Variants in GATAD1 observed in about 807,000 individuals in gnomAD.
GATAD1 encodes the protein GATA zinc finger domain containing 1.
A neutral mutation model predicts 26.5 loss-of-function variants in GATAD1; 12 were observed. The observed-to-expected ratio is 0.45, with a 90% CI of 0.29 to 0.73. The LOEUF (loss-of-function observed/expected upper bound fraction) is 0.73. GATAD1 is among the 30% of genes least tolerant of loss of function. GATAD1 has a pLI of 0.10. For missense variants in GATAD1, 266 were observed against 342.1 expected (o/e 0.78, Z 1.75); for synonymous variants, 129 against 133.1 (o/e 0.97, Z 0.21).
chr7:92,454,874 T>C (rs1448852537), intron 4 of GATAD1, among the ~76,000 whole-genome samples, 189 bp downstream of exon 4: 4 of 152,146 alleles, frequency 2.6e-5, no homozygotes, highest in Admixed American at 6.6e-5. Flanking sequence ...GCAACACGGA[T>C]TTCTGGGGAG....
chr7:92,468,240 G>A, the GATAD1 span: 9 of 160,154 alleles, frequency 5.6e-5, no homozygotes, highest in East Asian at 1.8e-4. Context: ...TGGGTGCCTC[G>A]CTGGATCAGG....
the GATAD1 span, chr7:92,470,399 GTTACTTTCC>G: frequency 1.5e-6 from 1 of 679,640 alleles, no homozygotes; most frequent in South Asian, 1.7e-5. Context: ...TATGATTTTA[GTTACTTTCC>G]TCCTGGTTGT....
chr7:92,468,080 T>C, the GATAD1 span, among the ~76,000 whole-genome samples: 5 of 152,180 alleles, frequency 3.3e-5, no homozygotes, highest in African/African-American at 9.7e-5. Context: ...CCTTGGGCCA[T>C]GCGGTGAGTG....
At chr7:92,475,290 C>T in the GATAD1 span, 2 of 151,874 alleles carry the variant, frequency 1.3e-5, no homozygotes, top group African/African-American at 4.8e-5. Context: ...TTTTGTCTTG[C>T]GGGGAACGTT....
At chr7:92,468,757 C>T in the GATAD1 span, 12,884 of 710,740 alleles carry the variant, frequency 0.018, 157 homozygotes, top group Non-Finnish European at 0.024. Context: ...GGTTGGCCGA[C>T]GACCGCTCTA....
the GATAD1 span, chr7:92,493,900 G>C: frequency 7.9e-6 from 2 of 252,102 alleles, no homozygotes; most frequent in African/African-American, 4.5e-5. Context: ...GGACAAGGAA[G>C]AGTTGAAAAA....
At chr7:92,474,681 T>C in the GATAD1 span, 5 of 152,250 alleles carry the variant, frequency 3.3e-5, no homozygotes, top group Non-Finnish European at 2.9e-5. Flanking sequence ...TTCTCTCATT[T>C]GGGGTTAGTG....
At chr7:92,460,514 T>C (rs1789880724), downstream of GATAD1, among the ~76,000 whole-genome samples, 1 of 152,134 alleles carries the variant, frequency 6.6e-6, no homozygotes, top group African/African-American at 2.4e-5. Flanking sequence ...AAGCACCTCT[T>C]AATGGTGACC....
the GATAD1 span, among the ~76,000 whole-genome samples, chr7:92,473,540 G>C: frequency 3.9e-5 from 6 of 152,158 alleles, no homozygotes; most frequent in South Asian, 1.2e-3. Flanking sequence ...GACAACAAAC[G>C]GGTGTTCCTT....
chr7:92,477,870 A>G, the GATAD1 span: 2 of 155,392 alleles, frequency 1.3e-5, no homozygotes, highest in South Asian at 3.6e-4. Flanking sequence ...AGAAGAGTGC[A>G]GTTGCAAGAT....
the GATAD1 span, chr7:92,471,838 G>A: frequency 2.0e-5 from 3 of 152,174 alleles, no homozygotes; most frequent in African/African-American, 4.8e-5. Context: ...ATTGCTGCAT[G>A]GGCATGGAGG....
At chr7:92,450,823 G>A (rs142445224) in intron 3 of GATAD1, 63 bp downstream of exon 3, 4 of 975,166 alleles carry the variant, frequency 4.1e-6, no homozygotes, top group Non-Finnish European at 6.7e-6. Flanking sequence ...CCACTAAAAT[G>A]TTGGATTAGT....
At position 92,447,721 on chromosome 7, in the gene GATAD1, C is replaced by G; in HGVS notation, c.-9C>G. On this transcript the variant is annotated 5_prime_UTR_variant, in exon 1 of 5. Coordinates refer to ENST00000287957, the MANE Select transcript of GATAD1 (RefSeq NM_021167.5). ...TCTGCGCCCGCGGGGGCCGCCCGAGCCGGCCACCATGCCGCTGGGCCTGAA... is the reference window on the plus strand; with the variant it reads ...TCTGCGCCCGCGGGGGCCGCCCGAGGCGGCCACCATGCCGCTGGGCCTGAA... 1 of 1,459,350 alleles carries G rather than the reference C, an allele frequency of 6.9e-7. No homozygotes were observed. Among genetic ancestry groups the G allele is most frequent in the Non-Finnish European group, 9.1e-7 (1 of 1,104,946 alleles). 90.4% of individuals were successfully genotyped at this position (1,459,350 alleles called of 1,614,324 possible). A position where few individuals can be genotyped will look rare whatever the true frequency, so the allele number is the denominator to read the frequency against.
the GATAD1 span, chr7:92,493,260 T>C: frequency 1.8e-6 from 1 of 555,478 alleles, no homozygotes; most frequent in South Asian, 2.9e-5. Context: ...AGTTGAGAAA[T>C]GTACCAACAG....
At chr7:92,494,439 T>C in the GATAD1 span, 1 of 1,611,560 alleles carries the variant, frequency 6.2e-7, no homozygotes, top group Non-Finnish European at 8.5e-7. Context: ...TCTGATGACA[T>C]GATGACATTT....
chr7:92,447,993 C>T lies in GATAD1; in HGVS notation c.249+15C>T, dbSNP rs587780950. On this transcript the variant is annotated intron_variant, in intron 1 of 4. Coordinates refer to ENST00000287957, the MANE Select transcript of GATAD1 (RefSeq NM_021167.5). The stretch of plus-strand genomic sequence containing the variant: ...GCGGCAAGCAGGTGAGCTCCTCCGG[C>T]CCCTCCCGCCGGCGGAGGCCGACCA... 201 of 1,212,884 alleles carry T rather than the reference C, an allele frequency of 1.7e-4. No individual in the cohort carries two copies. The Middle Eastern group carries it at 3.5e-3, about 21-fold the overall frequency. 75.1% of individuals were successfully genotyped at this position (1,212,884 alleles called of 1,614,324 possible).
the GATAD1 span, chr7:92,468,851 C>T: frequency 1.3e-6 from 1 of 764,308 alleles, no homozygotes; most frequent in East Asian, 2.4e-5. Context: ...TCATTAACAT[C>T]AGATCGTGGG....
At chr7:92,469,788 A>G in the GATAD1 span, 2 of 765,380 alleles carry the variant, frequency 2.6e-6, no homozygotes, top group African/African-American at 1.7e-5. Flanking sequence ...CAGGGATTGA[A>G]ACATATGGCC....
At chr7:92,470,315 G>C in the GATAD1 span, 1 of 774,244 alleles carries the variant, frequency 1.3e-6, no homozygotes. Flanking sequence ...CGGCATGGAG[G>C]GGGTGCAGTG....
Sources: allele counts gnomAD v4.1 joint callset (sites outside exome capture counted in the v4.1 genomes callset), GRCh38; gene constraint gnomAD v4.1.1; transcripts MANE v1.5; gene names NCBI Gene and HGNC (gene_info 2026-07-23, HGNC 2026-07-21).